Variants in SOAT1 observed in about 807,000 individuals in gnomAD.
SOAT1 encodes acyl-coenzyme A:cholesterol acyltransferase 1.
Under a neutral mutation model 69.5 loss-of-function variants are expected in SOAT1, and 55 were observed. That is an observed-to-expected ratio of 0.79 (90% CI 0.64 to 0.99). SOAT1 has a LOEUF of 0.99. Among genes scored for constraint, SOAT1 ranks in the 50% least tolerant of loss-of-function variants. SOAT1 has a pLI of 0.00. For missense variants in SOAT1, 580 were observed against 669.3 expected (o/e 0.87, Z 1.47); for synonymous variants, 231 against 224.7 (o/e 1.03, Z -0.25).
At chr1:179,316,951 A>G (rs1665416566) in intron 2 of SOAT1, among the ~76,000 whole-genome samples, 1 of 152,360 alleles carries the variant, frequency 6.6e-6, no homozygotes, top group East Asian at 1.9e-4. Flanking sequence ...AAAATAATAT[A>G]CAAGAATATG....
At chr1:179,322,017 G>A (rs574497718) in intron 2 of SOAT1, among the ~76,000 whole-genome samples, 2 of 151,910 alleles carry the variant, frequency 1.3e-5, no homozygotes, top group Non-Finnish European at 2.9e-5. Context: ...AGGTAGCTGG[G>A]ACTACAGGCG....
chr1:179,353,220 T>TATAAATATATAA (rs1666805991), intron 15 of SOAT1, among the ~76,000 whole-genome samples: 1 of 100,830 alleles, frequency 9.9e-6, no homozygotes, highest in African/African-American at 4.5e-5. Flanking sequence ...TATATATATA[T>TATAAATATATAA]ATATCTATTT....
At chr1:179,351,153 C>T (rs1187280397) in intron 14 of SOAT1, among the ~76,000 whole-genome samples, 164 bp from the exon 15 acceptor site, 5 of 151,400 alleles carry the variant, frequency 3.3e-5, no homozygotes, top group Admixed American at 6.6e-5. Flanking sequence ...AAGTGATTCT[C>T]CTGCCTCAGC....
In SOAT1 at chr1:179,302,119, C is replaced by G. The variant is rs541322108; in HGVS notation, c.-8-558C>G. ...TTTAAAAAGGGGCTTCAAAACCATT[C>G]CAATTATTTTATAGGACCTGATTTC... On this transcript the variant is annotated intron_variant, in intron 1 of 15. Coordinates refer to ENST00000367619, the MANE Select transcript of SOAT1 (RefSeq NM_003101.6). 5.9e-5 allele frequency among the ~76,000 whole-genome samples: 9 copies of G among 151,690 alleles called. No homozygotes were observed. The East Asian group carries it at 1.4e-3, about 23-fold the overall frequency.
chr1:179,300,639 A>G (rs1396691733), intron 1 of SOAT1, among the ~76,000 whole-genome samples: 1 of 152,210 alleles, frequency 6.6e-6, no homozygotes, highest in Non-Finnish European at 1.5e-5. Flanking sequence ...TTTTATACAG[A>G]AAAGGATATT....
intron 5 of SOAT1, 126 bp from the exon 6 acceptor site, chr1:179,339,312 T>A: frequency 2.0e-6 from 1 of 509,790 alleles, no homozygotes; most frequent in Middle Eastern, 5.0e-4. Context: ...TTTTTTGAGA[T>A]GTTTTTGGAG....
chr1:179,341,595 C>T (rs1277428023), intron 7 of SOAT1, among the ~76,000 whole-genome samples: 3 of 149,244 alleles, frequency 2.0e-5, no homozygotes, highest in Non-Finnish European at 4.4e-5. Flanking sequence ...AGTGCAGTGG[C>T]ACCATCTCGG....
At chr1:179,315,639 A>G (rs529780454) in intron 2 of SOAT1, among the ~76,000 whole-genome samples, 1 of 152,310 alleles carries the variant, frequency 6.6e-6, no homozygotes, top group East Asian at 1.9e-4. Context: ...TTTTTCTTCC[A>G]CTTACTTAAC....
intron 2 of SOAT1, among the ~76,000 whole-genome samples, chr1:179,319,530 A>C (rs1665522235): frequency 6.6e-6 from 1 of 152,124 alleles, no homozygotes; most frequent in African/African-American, 2.4e-5. Context: ...TTGGCCTCCC[A>C]AAATGCTGGG....
chr1:179,298,836 A>C (rs1664738440), intron 1 of SOAT1, among the ~76,000 whole-genome samples: 1 of 152,234 alleles, frequency 6.6e-6, no homozygotes, highest in African/African-American at 2.4e-5. Flanking sequence ...CACAGAATGC[A>C]TGTTGCTTTT....
intron 12 of SOAT1, 152 bp downstream of exon 12, chr1:179,347,849 T>C (rs1666589099): frequency 7.0e-6 from 4 of 569,356 alleles, no homozygotes; most frequent in Non-Finnish European, 1.2e-5. Flanking sequence ...TTTTCTGAAA[T>C]TCGGTTACAG....
At chr1:179,332,360 C>T (rs1322458399) in intron 3 of SOAT1, among the ~76,000 whole-genome samples, 1 of 152,154 alleles carries the variant, frequency 6.6e-6, no homozygotes, top group Non-Finnish European at 1.5e-5. Context: ...TCATTATCAT[C>T]TGTTCCTTTA....
At chr1:179,321,568 T>C (rs1411223079) in intron 2 of SOAT1, among the ~76,000 whole-genome samples, 2 of 152,210 alleles carry the variant, frequency 1.3e-5, no homozygotes, top group African/African-American at 4.8e-5. Context: ...CAGAAGTCTT[T>C]GTTGTGGAAC....
intron 5 of SOAT1, among the ~76,000 whole-genome samples, chr1:179,338,883 A>G (rs1228983597): frequency 6.6e-6 from 1 of 152,162 alleles, no homozygotes; most frequent in African/African-American, 2.4e-5. Flanking sequence ...TTAAAAGATT[A>G]GCATTATCTT....
At chr1:179,326,557 T>C (rs1285165319) in intron 3 of SOAT1, among the ~76,000 whole-genome samples, 2 of 36,336 alleles carry the variant, frequency 5.5e-5, no homozygotes, top group Non-Finnish European at 1.4e-4. Context: ...TTTCTTTTTT[T>C]TTTTTTTTTT....
At chr1:179,317,842 C>A (rs1665451074) in intron 2 of SOAT1, among the ~76,000 whole-genome samples, 1 of 151,972 alleles carries the variant, frequency 6.6e-6, no homozygotes, top group Non-Finnish European at 1.5e-5. Context: ...TATTTAGTAT[C>A]TCATTATTCA....
intron 3 of SOAT1, among the ~76,000 whole-genome samples, chr1:179,329,489 G>A (rs1049176870): frequency 3.9e-5 from 6 of 152,118 alleles, no homozygotes; most frequent in African/African-American, 1.4e-4. Context: ...ACTTTGAGAG[G>A]TTGAGGCTGG....
At chr1:179,294,775 C>T (rs181549265) in intron 1 of SOAT1, among the ~76,000 whole-genome samples, 1 of 152,202 alleles carries the variant, frequency 6.6e-6, no homozygotes, top group African/African-American at 2.4e-5. Context: ...TCAAGTGATC[C>T]GCCCGCTTCG....
At chr1:179,305,987 T>C (rs1664989093) in intron 2 of SOAT1, among the ~76,000 whole-genome samples, 1 of 152,232 alleles carries the variant, frequency 6.6e-6, no homozygotes, top group Admixed American at 6.5e-5. Context: ...AAAGTCTCAC[T>C]GAAGTAGATT....
Sources: gnomAD v4.1 joint callset for allele counts (sites outside exome capture counted in the v4.1 genomes callset) on GRCh38, gnomAD v4.1.1 for gene constraint, MANE v1.5 for transcripts, NCBI Gene and HGNC (gene_info 2026-07-23, HGNC 2026-07-21) for gene names.